Variants in AUTS2 observed in about 807,000 individuals in gnomAD.
AUTS2 encodes the protein activator of transcription and developmental regulator AUTS2.
A neutral mutation model predicts 112.4 loss-of-function variants in AUTS2; 17 were observed. The observed-to-expected ratio is 0.15, with a 90% CI of 0.10 to 0.23. The LOEUF (loss-of-function observed/expected upper bound fraction) is 0.23. Among genes scored for constraint, AUTS2 ranks in the 10% least tolerant of loss-of-function variants. AUTS2 has a pLI of 1.00. For missense variants in AUTS2, 1,510 were observed against 1,701.6 expected, an observed-to-expected ratio of 0.89 and a Z score of 1.98; for synonymous variants, 751 against 702.7, an observed-to-expected ratio of 1.07 and a Z score of -1.09.
intron 1 of AUTS2, among the ~76,000 whole-genome samples, chr7:69,658,573 A>T (rs1795648834): frequency 6.6e-6 from 1 of 152,200 alleles, no homozygotes; most frequent in Non-Finnish European, 1.5e-5. Flanking sequence ...CAGAGACACC[A>T]AGAGGCACAG....
intron 5 of AUTS2, among the ~76,000 whole-genome samples, chr7:70,632,874 T>C (rs1052612537): frequency 5.9e-5 from 9 of 152,078 alleles, no homozygotes; most frequent in Non-Finnish European, 1.0e-4. Flanking sequence ...ACACCCCTCC[T>C]GCAGGCAGTT....
chr7:70,505,995 G>T (rs1050502615), intron 5 of AUTS2, among the ~76,000 whole-genome samples: 1 of 152,138 alleles, frequency 6.6e-6, no homozygotes, highest in Admixed American at 6.5e-5. Context: ...AAGACCAGGC[G>T]CTGGCCTTGA....
At chr7:70,485,931 A>C (rs1305521645) in intron 5 of AUTS2, among the ~76,000 whole-genome samples, 1 of 152,124 alleles carries the variant, frequency 6.6e-6, no homozygotes, top group African/African-American at 2.4e-5. Flanking sequence ...TCTACATTGA[A>C]AAATTAAGGA....
intron 2 of AUTS2, among the ~76,000 whole-genome samples, chr7:69,918,267 G>A (rs1313852664): frequency 6.6e-6 from 1 of 152,108 alleles, no homozygotes; most frequent in East Asian, 1.9e-4. Context: ...TGGTGGTTTC[G>A]TTCAAAAACG....
At position 70,228,355 on chromosome 7, in the gene AUTS2, G is replaced by T. The variant is rs549225835; in HGVS notation, c.660+93784G>T. 8.7e-5 allele frequency among the ~76,000 whole-genome samples: 13 copies of T among 149,020 alleles called. 1 individual carries two copies. Among genetic ancestry groups the T allele is most frequent in the African/African-American group, 3.2e-4 (13 of 40,538 alleles). On this transcript the variant is annotated intron_variant, in intron 4 of 18. Transcript: ENST00000342771. ...ATCGCTTTTAGAAAGCATATCATTG[G>T]GTCTCTTTTGAAAAAAATCCAGTCT...
At chr7:69,606,162 G>A (rs368367676) in intron 1 of AUTS2, among the ~76,000 whole-genome samples, 2 of 152,164 alleles carry the variant, frequency 1.3e-5, no homozygotes, top group African/African-American at 4.8e-5. Context: ...GTTGAAAAAG[G>A]GTTAAGAAAA....
chr7:70,443,253 G>A (rs1327021150), intron 5 of AUTS2, among the ~76,000 whole-genome samples: 1 of 152,176 alleles, frequency 6.6e-6, no homozygotes, highest in African/African-American at 2.4e-5. Flanking sequence ...GAAAGAACAG[G>A]TTCTAGATGT....
At chr7:69,903,488 A>T (rs968184330) in intron 2 of AUTS2, among the ~76,000 whole-genome samples, 1 of 152,208 alleles carries the variant, frequency 6.6e-6, no homozygotes, top group African/African-American at 2.4e-5. Context: ...TTTGGCTCTG[A>T]CTGGATTTCT....
At chr7:70,564,223 T>G (rs759271130) in intron 5 of AUTS2, among the ~76,000 whole-genome samples, 10 of 152,230 alleles carry the variant, frequency 6.6e-5, no homozygotes, top group Non-Finnish European at 1.5e-4. Context: ...AACTGTAAGC[T>G]TAGAAGACAG....
At chr7:70,221,420 G>T (rs1811480695) in intron 4 of AUTS2, among the ~76,000 whole-genome samples, 1 of 152,114 alleles carries the variant, frequency 6.6e-6, no homozygotes, top group Non-Finnish European at 1.5e-5. Flanking sequence ...CATTCTCTGA[G>T]ATTTGGAAAG....
At chr7:69,869,125 C>T (rs1793366145) in intron 1 of AUTS2, among the ~76,000 whole-genome samples, 1 of 152,110 alleles carries the variant, frequency 6.6e-6, no homozygotes. Context: ...TGTGGTTGTA[C>T]CACAGAGTTA....
intron 4 of AUTS2, among the ~76,000 whole-genome samples, chr7:70,287,606 A>G (rs139242091): frequency 2.3e-4 from 35 of 152,288 alleles, no homozygotes; most frequent in African/African-American, 8.4e-4. Flanking sequence ...AAAATGTCAA[A>G]GTAAAATTAA....
At chr7:69,920,316 G>A (rs1021291305) in intron 2 of AUTS2, among the ~76,000 whole-genome samples, 2 of 151,064 alleles carry the variant, frequency 1.3e-5, no homozygotes, top group Admixed American at 1.3e-4. Flanking sequence ...TTTTAGAGAG[G>A]GGGTCTTGCT....
intron 1 of AUTS2, among the ~76,000 whole-genome samples, chr7:69,800,009 A>G (rs767361505): frequency 2.0e-5 from 3 of 152,250 alleles, no homozygotes; most frequent in Non-Finnish European, 4.4e-5. Flanking sequence ...AAATAGATTT[A>G]AGGGTTATTA....
intron 4 of AUTS2, among the ~76,000 whole-genome samples, chr7:70,149,303 C>T (rs953811194): frequency 4.6e-5 from 7 of 151,972 alleles, no homozygotes; most frequent in Non-Finnish European, 8.8e-5. Context: ...TAACTGTAAG[C>T]GGTTTGGAGA....
At chr7:70,455,785 G>A (rs142908843) in intron 5 of AUTS2, among the ~76,000 whole-genome samples, 118 of 152,030 alleles carry the variant, frequency 7.8e-4, no homozygotes, top group African/African-American at 2.6e-3. Context: ...AGACTCTGTC[G>A]CTACAATTAA....
intron 6 of AUTS2, among the ~76,000 whole-genome samples, chr7:70,744,529 G>A (rs1788320180): frequency 6.6e-6 from 1 of 152,206 alleles, no homozygotes; most frequent in Admixed American, 6.5e-5. Context: ...ATATAAGGAA[G>A]AGGCACAATT....
intron 4 of AUTS2, among the ~76,000 whole-genome samples, chr7:70,243,636 C>T (rs1451470271): frequency 1.3e-5 from 2 of 151,646 alleles, no homozygotes; most frequent in African/African-American, 4.9e-5. Context: ...TTTCTCCCAA[C>T]TCTGCGATAA....
At chr7:70,621,739 A>G (rs778404260) in intron 5 of AUTS2, among the ~76,000 whole-genome samples, 27 of 151,828 alleles carry the variant, frequency 1.8e-4, no homozygotes, top group Non-Finnish European at 3.4e-4. Context: ...AAAAAGGCCT[A>G]GTACAAACTA....
Sources: gnomAD v4.1 joint callset for allele counts (sites outside exome capture counted in the v4.1 genomes callset) on GRCh38, gnomAD v4.1.1 for gene constraint, MANE v1.5 for transcripts, NCBI Gene and HGNC (gene_info 2026-07-23, HGNC 2026-07-21) for gene names.